The following GPC6 variants were observed in gnomAD, a reference collection of about 807,000 sequenced individuals.
GPC6 encodes the protein glypican-6.
In GPC6, 14 loss-of-function variants were observed where a neutral mutation model predicts 55.2. The ratio of observed to expected loss-of-function variants is 0.25; its 90% confidence interval spans 0.17 to 0.40. The LOEUF (loss-of-function observed/expected upper bound fraction) is 0.40, where lower values mean the gene tolerates loss of function less well. GPC6 is among the 10% of genes least tolerant of loss of function. The probability of loss-of-function intolerance (pLI) is 1.00; values close to 1 mark genes in which losing one functional copy is unlikely to be tolerated. For missense variants in GPC6, 641 were observed against 708.5 expected, an observed-to-expected ratio of 0.90 and a Z score of 1.08; for synonymous variants, 278 against 259.6, an observed-to-expected ratio of 1.07 and a Z score of -0.68.
chr13:94,318,794 TAA>T (rs1379983315), intron 6 of GPC6, among the ~76,000 whole-genome samples: 1 of 152,222 alleles, frequency 6.6e-6, no homozygotes, highest in Non-Finnish European at 1.5e-5. Flanking sequence ...TATTTATAGT[TAA>T]AACTTTTCTT....
chr13:93,773,766 A>C (rs1885375715), intron 2 of GPC6, among the ~76,000 whole-genome samples: 1 of 152,192 alleles, frequency 6.6e-6, no homozygotes, highest in Non-Finnish European at 1.5e-5. Flanking sequence ...TCTGCTGTTT[A>C]GACTTTAATA....
chr13:93,409,066 G>C (rs1245754827), intron 1 of GPC6, among the ~76,000 whole-genome samples: 2 of 151,952 alleles, frequency 1.3e-5, no homozygotes, highest in African/African-American at 4.8e-5. Flanking sequence ...CGTCAGACTG[G>C]AGGGAAGTAA....
intron 2 of GPC6, among the ~76,000 whole-genome samples, chr13:93,695,313 A>T (rs981277727): frequency 2.6e-5 from 4 of 152,124 alleles, no homozygotes; most frequent in African/African-American, 9.7e-5. Context: ...AGCAGTAGGT[A>T]TAATGCAAAT....
chr13:94,180,243 T>G (rs573494163), intron 4 of GPC6, among the ~76,000 whole-genome samples: 3 of 152,284 alleles, frequency 2.0e-5, no homozygotes, highest in African/African-American at 7.2e-5. Flanking sequence ...GAAGTAGTTC[T>G]TAGTTCCTGG....
chr13:93,681,284 C>T (rs1881835962), intron 2 of GPC6, among the ~76,000 whole-genome samples: 1 of 152,058 alleles, frequency 6.6e-6, no homozygotes, highest in Non-Finnish European at 1.5e-5. Flanking sequence ...TATAAATATT[C>T]TGATTGATAT....
At chr13:93,977,416 G>A (rs2140400725) in intron 3 of GPC6, among the ~76,000 whole-genome samples, 1 of 151,642 alleles carries the variant, frequency 6.6e-6, no homozygotes, top group African/African-American at 2.4e-5. Flanking sequence ...AGAAGTGTGT[G>A]CTGTTATTCC....
intron 2 of GPC6, among the ~76,000 whole-genome samples, chr13:93,564,526 G>T (rs1178472171): frequency 6.6e-6 from 1 of 152,166 alleles, no homozygotes; most frequent in East Asian, 1.9e-4. Flanking sequence ...TTCAAATTCA[G>T]TTATTTACAA....
At chr13:94,086,219 G>C (rs1306925805) in intron 4 of GPC6, among the ~76,000 whole-genome samples, 1 of 152,176 alleles carries the variant, frequency 6.6e-6, no homozygotes, top group East Asian at 1.9e-4. Flanking sequence ...TTCTCACACT[G>C]CATGCAGCCA....
chr13:93,627,246 A>G (rs1005540668), intron 2 of GPC6, among the ~76,000 whole-genome samples: 1 of 151,764 alleles, frequency 6.6e-6, no homozygotes, highest in African/African-American at 2.4e-5. Context: ...GAGTGAGAAC[A>G]TGTGGTGTTT....
At chr13:93,518,245 T>G (rs2139395333) in intron 1 of GPC6, among the ~76,000 whole-genome samples, 1 of 152,042 alleles carries the variant, frequency 6.6e-6, no homozygotes, top group South Asian at 2.1e-4. Flanking sequence ...TTGATCATTA[T>G]CTATGTCCTG....
intron 1 of GPC6, among the ~76,000 whole-genome samples, chr13:93,398,097 T>C (rs1478949748): frequency 1.3e-5 from 2 of 152,182 alleles, no homozygotes; most frequent in African/African-American, 4.8e-5. Context: ...AGCTTTTCAG[T>C]ACACCTTGAA....
chr13:94,356,944 A>G, intron 6 of GPC6, among the ~76,000 whole-genome samples: 1 of 152,138 alleles, frequency 6.6e-6, no homozygotes, highest in East Asian at 1.9e-4. Context: ...TTTAAAATGG[A>G]AAATGTGTCA....
chr13:93,523,211 GTA>G (rs1250022962), intron 1 of GPC6, among the ~76,000 whole-genome samples: 1 of 146,200 alleles, frequency 6.8e-6, no homozygotes, highest in Non-Finnish European at 1.5e-5. Flanking sequence ...TTGTGTATAT[GTA>G]TATATGGGTA....
chr13:93,764,240 C>A (rs553275230), intron 2 of GPC6, among the ~76,000 whole-genome samples: 1 of 152,144 alleles, frequency 6.6e-6, no homozygotes, highest in Non-Finnish European at 1.5e-5. Context: ...GGGGAATAAA[C>A]AAATCAGACT....
intron 2 of GPC6, among the ~76,000 whole-genome samples, chr13:93,660,352 T>G (rs907114448): frequency 5.3e-5 from 8 of 152,166 alleles, no homozygotes; most frequent in Non-Finnish European, 1.2e-4. Flanking sequence ...GGAAAAAAAT[T>G]TTAGCTTCTC....
At chr13:93,301,835 A>G (rs895599190) in intron 1 of GPC6, among the ~76,000 whole-genome samples, 8 of 152,124 alleles carry the variant, frequency 5.3e-5, no homozygotes, top group Non-Finnish European at 8.8e-5. Flanking sequence ...TCCAACACCA[A>G]CTGGGTTCCC....
At chr13:93,787,230 C>T (rs1885841379) in intron 2 of GPC6, among the ~76,000 whole-genome samples, 1 of 152,274 alleles carries the variant, frequency 6.6e-6, no homozygotes, top group Non-Finnish European at 1.5e-5. Flanking sequence ...CTAAAATAAA[C>T]AAATACTACT....
upstream of GPC6, among the ~76,000 whole-genome samples, chr13:93,224,948 C>T (rs574738672): frequency 2.0e-5 from 3 of 152,316 alleles, no homozygotes; most frequent in Non-Finnish European, 4.4e-5. Context: ...ATCCTAAGAT[C>T]ATTTTATAAG....
At chr13:93,828,203 C>T (rs1022320948) in intron 2 of GPC6, among the ~76,000 whole-genome samples, 3 of 152,088 alleles carry the variant, frequency 2.0e-5, no homozygotes, top group Admixed American at 2.0e-4. Flanking sequence ...ACTTTCCAGT[C>T]TCATTGTATT....
Sources: gnomAD v4.1 joint callset for allele counts (sites outside exome capture counted in the v4.1 genomes callset) on GRCh38, gnomAD v4.1.1 for gene constraint, MANE v1.5 for transcripts, NCBI Gene and HGNC (gene_info 2026-07-23, HGNC 2026-07-21) for gene names.